The following LYRM9 variants were observed in gnomAD, a reference collection of about 807,000 sequenced individuals.
LYRM9 encodes the protein LYR motif containing 9, also known as LYR motif-containing protein 9.
Under a neutral mutation model 12.6 loss-of-function variants are expected in LYRM9, and 14 were observed. That is an observed-to-expected ratio of 1.11 (90% CI 0.73 to 1.73). The LOEUF (loss-of-function observed/expected upper bound fraction) is 1.73. Among genes scored for constraint, LYRM9 ranks in the 40% most tolerant of loss-of-function variants. LYRM9 has a pLI of 0.00. For missense variants in LYRM9, 94 were observed against 95.0 expected (o/e 0.99, Z 0.04); for synonymous variants, 42 against 35.1 (o/e 1.20, Z -0.69).
At chr17:27,883,628 T>C in intron 1 of LYRM9, among the ~76,000 whole-genome samples, 1 of 144,704 alleles carries the variant, frequency 6.9e-6, no homozygotes, top group Admixed American at 7.0e-5. Flanking sequence ...CCAGCCTGGG[T>C]GACAAAGCAA....
At chr17:27,887,744 G>T (rs1239467848) in intron 1 of LYRM9, among the ~76,000 whole-genome samples, 1 of 152,160 alleles carries the variant, frequency 6.6e-6, no homozygotes, top group South Asian at 2.1e-4. Flanking sequence ...GTGTGTGTGT[G>T]TGTGTGTGTG....
At position 27,889,512 on chromosome 17, in the gene LYRM9, C is replaced by T. The variant is rs371329430; in HGVS notation, c.-19+3805G>A. ...TAGTAGAGACGGAGTTTCGCCATGTCGGCCAGTCTCAAACTCCTGACCTCA... is the reference window on the plus strand; with the variant it reads ...TAGTAGAGACGGAGTTTCGCCATGTTGGCCAGTCTCAAACTCCTGACCTCA... On this transcript the variant is annotated intron_variant, in intron 1 of 3. Coordinates refer to ENST00000379102, the MANE Select transcript of LYRM9 (RefSeq NM_001076680.3). 8.6e-5 allele frequency among the ~76,000 whole-genome samples: 13 copies of T among 151,984 alleles called. No individual in the cohort carries two copies. In the South Asian group the frequency reaches 2.1e-3, roughly 24 times the overall value.
intron 1 of LYRM9, among the ~76,000 whole-genome samples, chr17:27,889,401 G>C (rs190255328): frequency 6.6e-6 from 1 of 151,386 alleles, no homozygotes; most frequent in Non-Finnish European, 1.5e-5. Context: ...TCTGCCTCCC[G>C]GGTTCAAGCA....
intron 1 of LYRM9, among the ~76,000 whole-genome samples, chr17:27,883,851 A>AAAAAAC (rs1474860265): frequency 7.1e-6 from 1 of 141,780 alleles, no homozygotes; most frequent in Non-Finnish European, 1.5e-5. Flanking sequence ...AAAAAAAAAA[A>AAAAAAC]AAAAAAAAAA....
intron 1 of LYRM9, among the ~76,000 whole-genome samples, chr17:27,887,713 G>GGAGGGT (rs1485417792): frequency 1.0e-3 from 89 of 86,824 alleles, no homozygotes; most frequent in African/African-American, 2.4e-3. Flanking sequence ...TAGGAGGGAG[G>GGAGGGT]GTGTGTGTGT....
intron 1 of LYRM9, among the ~76,000 whole-genome samples, chr17:27,891,362 G>A (rs755757702): frequency 7.2e-5 from 11 of 152,080 alleles, no homozygotes; most frequent in Non-Finnish European, 1.2e-4. Flanking sequence ...CTTCTATCTC[G>A]AAGTCTGTTC....
intron 1 of LYRM9, among the ~76,000 whole-genome samples, chr17:27,889,605 A>G (rs1905359521): frequency 6.6e-6 from 1 of 152,080 alleles, no homozygotes; most frequent in South Asian, 2.1e-4. Flanking sequence ...ACCCGGCTCC[A>G]TGAGCTGTTC....
intron 2 of LYRM9, chr17:27,880,770 A>G (rs529922404): frequency 3.3e-5 from 7 of 213,680 alleles, no homozygotes; most frequent in Non-Finnish European, 6.6e-5. Flanking sequence ...GGGAGGAAGA[A>G]GTAGGACTTC....
At chr17:27,884,737 C>G (rs371330366) in intron 1 of LYRM9, among the ~76,000 whole-genome samples, 3 of 151,882 alleles carry the variant, frequency 2.0e-5, no homozygotes, top group Admixed American at 6.6e-5. Flanking sequence ...AATGAAGCTA[C>G]TATCTCCTCT....
chr17:27,893,109 G>A (rs915268272), intron 1 of LYRM9: 1 of 152,202 alleles, frequency 6.6e-6, no homozygotes, highest in East Asian at 1.9e-4. Flanking sequence ...TCAAGCCCGG[G>A]CGCCGCGCTC....
At chr17:27,884,351 C>A (rs1363977445) in intron 1 of LYRM9, among the ~76,000 whole-genome samples, 5 of 152,236 alleles carry the variant, frequency 3.3e-5, no homozygotes, top group Non-Finnish European at 7.3e-5. Flanking sequence ...CAGTCTCCTC[C>A]ACACTGACAC....
rs1351846411 is a variant in LYRM9 at position 27,882,663 on chromosome 17, C to T, written c.32G>A (p.Arg11Gln). The T allele has an allele frequency of 3.1e-6, 5 of 1,604,332 alleles. No homozygotes were observed. The Admixed American group carries it at 5.1e-5, about 16-fold the overall frequency. The change falls in exon 2 of 4, where the codon CGG (arginine) becomes CAG (glutamine). Residue 11 changes from arginine (R) to glutamine (Q), a missense_variant. By Grantham distance (43) the Arg-to-Gln change is conservative (BLOSUM62 1). Coordinates refer to ENST00000379102, the MANE Select transcript of LYRM9 (RefSeq NM_001076680.3). MAPLPGAELV[R>Q]RPLQLYRYLL... ...GTATCGGTAGAGCTGCAGTGGCCTC[C>T]GAACCAGTTCTGCTCCTGGCAGCGG...
At chr17:27,882,919 G>C in intron 1 of LYRM9, 2 of 663,464 alleles carry the variant, frequency 3.0e-6, no homozygotes, top group Non-Finnish European at 5.7e-6. Flanking sequence ...GACCAAAGGT[G>C]AGTGTGGAGG....
intron 1 of LYRM9, chr17:27,883,201 T>G (rs1205537870): frequency 3.0e-6 from 1 of 335,420 alleles, no homozygotes; most frequent in African/African-American, 2.2e-5. Context: ...AATGTAGTCT[T>G]GGGCCCCACC....
chr17:27,878,488 C>T lies in LYRM9; in HGVS notation c.*985G>A, dbSNP rs1458925888. On this transcript the variant is annotated 3_prime_UTR_variant, in exon 4 of 4. Coordinates refer to ENST00000379102, the MANE Select transcript of LYRM9 (RefSeq NM_001076680.3). ...CTAGTTCATCCCTGTGGCTGAGTGC[C>T]CTTGGGGAATACTCAGATCCCAGTG... 3.3e-5 allele frequency: 5 copies of T among 152,208 alleles called. No individual in the cohort carries two copies. The highest frequency in any genetic ancestry group is 1.2e-4 in the African/African-American group (5 of 41,442). 9.4% of individuals were successfully genotyped at this position (152,208 alleles called of 1,614,324 possible). A position where few individuals can be genotyped will look rare whatever the true frequency, so the allele number is the denominator to read the frequency against.
Position 27,880,319 on chromosome 17 carries a change from C to G in LYRM9, c.174G>C (p.Gln58His). The G allele has an allele frequency of 6.2e-7, 1 of 1,610,362 alleles. No homozygotes were observed. The highest frequency in any genetic ancestry group is 8.5e-7 in the Non-Finnish European group (1 of 1,178,142). ...SDEDNPERIQ[Q>H]IIKRAIEDAD... ...CATCTTCAATGGCTCTTTTAATAATCTGCTGGATTCTCTCAGGGTTGTCTT... is the reference window on the plus strand; with the variant it reads ...CATCTTCAATGGCTCTTTTAATAATGTGCTGGATTCTCTCAGGGTTGTCTT... Residue 58 changes from glutamine to histidine, a missense_variant, in exon 3 of 4, where the codon CAG becomes CAC. Coordinates refer to ENST00000379102, the MANE Select transcript of LYRM9 (RefSeq NM_001076680.3).
chr17:27,887,500 G>T (rs985216689), intron 1 of LYRM9, among the ~76,000 whole-genome samples: 2 of 152,144 alleles, frequency 1.3e-5, no homozygotes, highest in African/African-American at 2.4e-5. Context: ...GGCCTGCAAG[G>T]CCCCTCTCGA....
At chr17:27,879,984 G>A in intron 3 of LYRM9, 1 of 641,658 alleles carries the variant, frequency 1.6e-6, no homozygotes, top group Non-Finnish European at 2.8e-6. Flanking sequence ...TGGCACTATA[G>A]CTTTCCCTCC....
At position 27,879,412 on chromosome 17, in the gene LYRM9, T is replaced by C; in HGVS notation, c.*61A>G. On this transcript the variant is annotated 3_prime_UTR_variant, in exon 4 of 4. Transcript: ENST00000379102. ...GCTCTTCCAAACCAGCTGCTGCTGC[T>C]GAGCTCCAGAAGAGGGGCCTCTCAA... 1.3e-6 allele frequency: 2 copies of C among 1,521,892 alleles called. No homozygotes were observed. Among genetic ancestry groups the C allele is most frequent in the Non-Finnish European group, 1.8e-6 (2 of 1,129,728 alleles). The allele number at this position is 1,521,892 out of a possible 1,614,324, so 94.3% of individuals were successfully genotyped here.
Sources: gnomAD v4.1 joint callset for allele counts (sites outside exome capture counted in the v4.1 genomes callset) on GRCh38, gnomAD v4.1.1 for gene constraint, MANE v1.5 for transcripts, NCBI Gene and HGNC (gene_info 2026-07-23, HGNC 2026-07-21) for gene names.